Variants in IGSF23 observed in about 807,000 individuals in gnomAD.
IGSF23 encodes immunoglobulin superfamily, member 23.
IGSF23 carries 14 observed loss-of-function variants against 17.8 expected under a neutral mutation model. The observed-to-expected ratio is 0.79, with a 90% CI of 0.52 to 1.23. The LOEUF is 1.23. Among genes scored for constraint, IGSF23 ranks in the 50% most tolerant of loss-of-function variants. The probability of loss-of-function intolerance (pLI) is 0.00; values close to 1 mark genes in which losing one functional copy is unlikely to be tolerated. For synonymous variants in IGSF23, 85 were observed against 92.5 expected (o/e 0.92, Z 0.46); for missense variants, 214 against 241.7 (o/e 0.89, Z 0.76).
chr19:44,635,494 C>T, intron 4 of IGSF23, 29 bp downstream of exon 4: 1 of 1,503,536 alleles, frequency 6.7e-7, no homozygotes, highest in Non-Finnish European at 9.0e-7. Flanking sequence ...TGAAGGAAAT[C>T]CTAGGTTTGG....
intron 1 of IGSF23, among the ~76,000 whole-genome samples, chr19:44,619,768 C>G (rs186774020): frequency 6.6e-6 from 1 of 152,160 alleles, no homozygotes; most frequent in Non-Finnish European, 1.5e-5. Context: ...CTTATAAGGG[C>G]ACCAGTCAGG....
chr19:44,629,435 T>TACC (rs766342096), intron 3 of IGSF23, among the ~76,000 whole-genome samples: 6 of 151,832 alleles, frequency 4.0e-5, no homozygotes, highest in Non-Finnish European at 7.4e-5. Context: ...TGGTAGCACG[T>TACC]ACCTATAGTC....
chr19:44,623,964 C>G lies in IGSF23; in HGVS notation c.383C>G (p.Ser128Trp). ...KQLVSEPVTI[S>W]LPKPIMQPTE... ...CTGGTCTCTGAGCCTGTAACCATCT[C>G]GCTGCCAAGTGAGTCCCCCATTCCA... The change falls in exon 2 of 5, where the codon TCG becomes TGG. Residue 128 changes from serine to tryptophan, a missense_variant. By Grantham distance (177) the Ser-to-Trp change is radical (BLOSUM62 -3). Coordinates refer to ENST00000402988, the MANE Select transcript of IGSF23 (RefSeq NM_001205280.2). 1 of 1,549,034 alleles carries G rather than the reference C, an allele frequency of 6.5e-7. No individual in the cohort carries two copies. The highest frequency in any genetic ancestry group is 8.7e-7 in the Non-Finnish European group (1 of 1,146,394).
chr19:44,616,735 C>A (rs1599728222), intron 1 of IGSF23, among the ~76,000 whole-genome samples: 7 of 134,132 alleles, frequency 5.2e-5, no homozygotes, highest in African/African-American at 1.1e-4. Context: ...GAAACAATAA[C>A]AAGCATAAAG....
intron 1 of IGSF23, among the ~76,000 whole-genome samples, chr19:44,614,973 T>G (rs896836712): frequency 6.6e-6 from 1 of 152,132 alleles, no homozygotes; most frequent in Non-Finnish European, 1.5e-5. Flanking sequence ...GTGAATGAAT[T>G]GCTTCCTTAT....
intron 1 of IGSF23, among the ~76,000 whole-genome samples, chr19:44,615,764 T>C (rs1337080511): frequency 6.6e-6 from 1 of 152,030 alleles, no homozygotes; most frequent in Non-Finnish European, 1.5e-5. Flanking sequence ...CTTCCCTATT[T>C]TGTCAGAGCT....
intron 3 of IGSF23, 45 bp from the exon 4 acceptor site, chr19:44,635,356 C>T (rs1015804942): frequency 7.4e-7 from 1 of 1,344,524 alleles, no homozygotes; most frequent in South Asian, 1.3e-5. Context: ...TATTCTCTCT[C>T]TCTCTCTCTC....
At chr19:44,615,789 C>G (rs1972361240) in intron 1 of IGSF23, among the ~76,000 whole-genome samples, 1 of 152,000 alleles carries the variant, frequency 6.6e-6, no homozygotes, top group Non-Finnish European at 1.5e-5. Context: ...TCTGAGGCCT[C>G]TCTCAGGGCG....
rs1304679556 is a variant in IGSF23 at position 44,624,887 on chromosome 19, C to A, written c.391+915C>A. ...GACCAACCTGGACAACATAGTGAGACCCTGTCTCTACCAAAAAAAAAAAAA... is the reference window on the plus strand; with the variant it reads ...GACCAACCTGGACAACATAGTGAGAACCTGTCTCTACCAAAAAAAAAAAAA... On this transcript the variant is annotated intron_variant, in intron 2 of 4. Transcript: ENST00000402988. 3.5e-5 allele frequency among the ~76,000 whole-genome samples: 5 copies of A among 141,024 alleles called. No homozygotes were observed. In the East Asian group the frequency reaches 1.0e-3, roughly 29 times the overall value. The allele number at this position is 141,024 out of a possible 152,430, so 92.5% of individuals were successfully genotyped here.
intron 1 of IGSF23, among the ~76,000 whole-genome samples, chr19:44,616,582 A>G (rs1390388386): frequency 2.0e-5 from 3 of 151,868 alleles, no homozygotes; most frequent in Non-Finnish European, 2.9e-5. Context: ...CTGTAGTCCC[A>G]ACTACTCGGG....
chr19:44,621,085 C>G (rs1972508079), intron 1 of IGSF23, among the ~76,000 whole-genome samples: 1 of 151,982 alleles, frequency 6.6e-6, no homozygotes. Flanking sequence ...AGTTCGAGAC[C>G]AGCCTGGGCA....
At chr19:44,625,798 G>A (rs1428317810) in intron 2 of IGSF23, among the ~76,000 whole-genome samples, 1 of 152,188 alleles carries the variant, frequency 6.6e-6, no homozygotes, top group African/African-American at 2.4e-5. Flanking sequence ...GACCCGGTAG[G>A]AGGTAACTGA....
chr19:44,619,515 G>T (rs537892596), intron 1 of IGSF23, among the ~76,000 whole-genome samples: 1 of 152,300 alleles, frequency 6.6e-6, no homozygotes, highest in South Asian at 2.1e-4. Context: ...CCTCCTTTTA[G>T]AAGATAGTCC....
At chr19:44,616,967 T>C (rs1298762740) in intron 1 of IGSF23, among the ~76,000 whole-genome samples, 1 of 151,786 alleles carries the variant, frequency 6.6e-6, no homozygotes, top group Non-Finnish European at 1.5e-5. Context: ...GGCAGGATCA[T>C]AGCTCACTGA....
rs1024848725 is a variant in IGSF23 at position 44,632,168 on chromosome 19, A to C, written c.546-3233A>C. The C allele has an allele frequency of 2.7e-5, 9 of 332,806 alleles. No homozygotes were observed. In the Admixed American group the frequency reaches 3.6e-4, roughly 13 times the overall value. 20.6% of individuals were successfully genotyped at this position (332,806 alleles called of 1,614,324 possible). On this transcript the variant is annotated intron_variant, in intron 3 of 4. Coordinates refer to ENST00000402988, the MANE Select transcript of IGSF23 (RefSeq NM_001205280.2). ...TAGGTTTTTGAGGGCAGTATGCCTC[A>C]ATTATAGGAGGAGATTTGTTATGGT...
At chr19:44,630,279 C>G (rs1972737313) in intron 3 of IGSF23, among the ~76,000 whole-genome samples, 1 of 152,260 alleles carries the variant, frequency 6.6e-6, no homozygotes, top group East Asian at 1.9e-4. Context: ...CTCGGCCACC[C>G]AGATTGCCTT....
At chr19:44,615,277 C>A (rs922319589) in intron 1 of IGSF23, among the ~76,000 whole-genome samples, 1 of 149,282 alleles carries the variant, frequency 6.7e-6, no homozygotes, top group African/African-American at 2.5e-5. Context: ...CGACAGAGCA[C>A]GACTCCGTCT....
chr19:44,617,843 C>T (rs954022194), intron 1 of IGSF23, among the ~76,000 whole-genome samples: 1 of 152,120 alleles, frequency 6.6e-6, no homozygotes, highest in Non-Finnish European at 1.5e-5. Flanking sequence ...CAAGCTTACT[C>T]CCCCGCTGCC....
At chr19:44,616,996 T>A (rs1455519531) in intron 1 of IGSF23, among the ~76,000 whole-genome samples, 1 of 151,912 alleles carries the variant, frequency 6.6e-6, no homozygotes, top group Non-Finnish European at 1.5e-5. Context: ...ACTCCTGGAC[T>A]TGAGGAATCT....
Sources: allele counts gnomAD v4.1 joint callset (sites outside exome capture counted in the v4.1 genomes callset), GRCh38; gene constraint gnomAD v4.1.1; transcripts MANE v1.5; gene names NCBI Gene and HGNC (gene_info 2026-07-23, HGNC 2026-07-21).